SMYD3: variants seen among roughly 807,000 people sequenced by gnomAD.
The protein encoded by SMYD3 is histone-lysine N-methyltransferase SMYD3.
SMYD3 carries 36 observed loss-of-function variants against 57.7 expected under a neutral mutation model. The observed-to-expected ratio is 0.62, with a 90% CI of 0.48 to 0.82. The LOEUF is 0.82. Ranked by LOEUF, SMYD3 falls within the 40% of genes least tolerant of loss-of-function variation. The probability of loss-of-function intolerance (pLI) is 0.00; values close to 1 mark genes in which losing one functional copy is unlikely to be tolerated. For synonymous variants in SMYD3, 211 were observed against 195.0 expected (o/e 1.08, Z -0.68); for missense variants, 515 against 538.8 (o/e 0.96, Z 0.44).
intron 10 of SMYD3, among the ~76,000 whole-genome samples, chr1:245,829,649 G>GA (rs1252358588): frequency 4.6e-5 from 7 of 151,908 alleles, no homozygotes; most frequent in Admixed American, 6.6e-5. Flanking sequence ...ATATACACTT[G>GA]AAAAAAATTA....
At chr1:246,380,612 G>A (rs1016950888) in intron 1 of SMYD3, among the ~76,000 whole-genome samples, 15 of 152,086 alleles carry the variant, frequency 9.9e-5, no homozygotes. Flanking sequence ...TTTGTACCAT[G>A]GCTCTGGTAG....
chr1:246,090,664 T>C (rs1202193473), intron 5 of SMYD3, among the ~76,000 whole-genome samples: 1 of 151,952 alleles, frequency 6.6e-6, no homozygotes, highest in African/African-American at 2.4e-5. Flanking sequence ...ATCATGGGCG[T>C]GCCCCACCAC....
intron 11 of SMYD3, 123 bp downstream of exon 11, chr1:245,763,918 C>T: frequency 1.5e-6 from 1 of 664,070 alleles, no homozygotes; most frequent in Non-Finnish European, 2.6e-6. Context: ...TACCAGCACA[C>T]ACTGGGCATG....
chr1:246,444,203 T>C (rs919919697), intron 1 of SMYD3, among the ~76,000 whole-genome samples: 2 of 151,108 alleles, frequency 1.3e-5, no homozygotes, highest in Non-Finnish European at 2.9e-5. Context: ...CTCCGCTCAC[T>C]GAAACCTCCG....
intron 5 of SMYD3, among the ~76,000 whole-genome samples, chr1:246,114,374 T>G (rs2061307380): frequency 6.6e-6 from 1 of 152,148 alleles, no homozygotes; most frequent in Admixed American, 6.5e-5. Context: ...CAAGGTAAGT[T>G]AGCACCAACA....
intron 11 of SMYD3, among the ~76,000 whole-genome samples, chr1:245,760,329 T>C (rs1210682557): frequency 6.6e-6 from 1 of 152,096 alleles, no homozygotes; most frequent in Admixed American, 6.5e-5. Context: ...ATGACATCAG[T>C]TTCAAAAGGC....
intron 5 of SMYD3, among the ~76,000 whole-genome samples, chr1:246,136,473 A>G (rs1482257561): frequency 6.6e-6 from 1 of 152,192 alleles, no homozygotes; most frequent in African/African-American, 2.4e-5. Flanking sequence ...CTTAAAGAAA[A>G]AAAGTACAAC....
chr1:246,149,344 C>T (rs940335340), intron 5 of SMYD3, among the ~76,000 whole-genome samples: 2 of 152,176 alleles, frequency 1.3e-5, no homozygotes, highest in Non-Finnish European at 2.9e-5. Flanking sequence ...CATCACTGGG[C>T]CTCTACTCCA....
At chr1:246,023,094 C>A (rs1457672395) in intron 5 of SMYD3, among the ~76,000 whole-genome samples, 1 of 152,180 alleles carries the variant, frequency 6.6e-6, no homozygotes, top group African/African-American at 2.4e-5. Context: ...CCATTTAGGA[C>A]ACAGGCAGGT....
chr1:246,248,444 A>AT lies in SMYD3; in HGVS notation c.531+78756dup, dbSNP rs1225489456. ...CCCAACAGAGACTTTTTGGAAAGTAATTTGGGCAGGTCGTTTGTTCCCATT... is the reference window on the plus strand; with the variant it reads ...CCCAACAGAGACTTTTTGGAAAGTAATTTTGGGCAGGTCGTTTGTTCCCATT... On this transcript the variant is annotated intron_variant, in intron 5 of 11. Coordinates refer to ENST00000490107, the MANE Select transcript of SMYD3 (RefSeq NM_001167740.2). Among the ~76,000 whole-genome samples the AT allele has an allele frequency of 1.2e-4, 18 of 152,132 alleles. 1 individual carries two copies. Among genetic ancestry groups the AT allele is most frequent in the African/African-American group, 4.3e-4 (18 of 41,518 alleles).
chr1:245,788,280 A>G (rs2047131130), intron 10 of SMYD3, among the ~76,000 whole-genome samples: 2 of 152,222 alleles, frequency 1.3e-5, no homozygotes, highest in Admixed American at 6.5e-5. Context: ...AATGGTGACC[A>G]GATTAGCACA....
At chr1:245,985,691 T>A (rs976463835) in intron 5 of SMYD3, among the ~76,000 whole-genome samples, 2 of 152,200 alleles carry the variant, frequency 1.3e-5, no homozygotes, top group African/African-American at 2.4e-5. Flanking sequence ...CCTTCTCATA[T>A]TTTAAGCTCC....
chr1:246,317,025 TA>T (rs902100605), intron 5 of SMYD3, among the ~76,000 whole-genome samples: 1 of 149,690 alleles, frequency 6.7e-6, no homozygotes, highest in Non-Finnish European at 1.5e-5. Context: ...AATAAAAATT[TA>T]AAAAAAAAGG....
chr1:246,145,856 T>C (rs1038230804), intron 5 of SMYD3, among the ~76,000 whole-genome samples: 12 of 152,228 alleles, frequency 7.9e-5, no homozygotes, highest in African/African-American at 2.9e-4. Flanking sequence ...AGATCGAATC[T>C]GATACAAATG....
intron 1 of SMYD3, among the ~76,000 whole-genome samples, chr1:246,357,216 G>A (rs982336938): frequency 2.0e-5 from 3 of 152,146 alleles, no homozygotes; most frequent in African/African-American, 7.2e-5. Flanking sequence ...GGATGAGACT[G>A]GAAGTCGGCA....
At chr1:245,790,491 T>C (rs1044935424) in intron 10 of SMYD3, among the ~76,000 whole-genome samples, 1 of 152,218 alleles carries the variant, frequency 6.6e-6, no homozygotes, top group East Asian at 1.9e-4. Context: ...GAGGGCAGCA[T>C]CTGCACCTTG....
Position 246,339,762 on chromosome 1 carries a change from G to A in SMYD3, c.229-4288C>T, listed in dbSNP as rs975995611. On this transcript the variant is annotated intron_variant, in intron 2 of 11. Coordinates refer to ENST00000490107, the MANE Select transcript of SMYD3 (RefSeq NM_001167740.2). ...GGTCGTTCAGTAGCACAGCGCTCAC[G>A]AACGGATTCATGTCACTATTGCAAC... 2.0e-5 allele frequency among the ~76,000 whole-genome samples: 3 copies of A among 152,280 alleles called. No individual in the cohort carries two copies. The South Asian group carries it at 6.2e-4, about 32-fold the overall frequency.
chr1:246,076,851 G>A (rs1266240481), intron 5 of SMYD3, among the ~76,000 whole-genome samples: 1 of 152,048 alleles, frequency 6.6e-6, no homozygotes, highest in African/African-American at 2.4e-5. Context: ...AAGAAGACGA[G>A]ATAAATAAGA....
At chr1:246,436,319 A>G (rs1428575720) in intron 1 of SMYD3, among the ~76,000 whole-genome samples, 1 of 152,204 alleles carries the variant, frequency 6.6e-6, no homozygotes, top group African/African-American at 2.4e-5. Flanking sequence ...ACAAATTTCA[A>G]TCTCCAATAA....
Sources: gnomAD v4.1 joint callset for allele counts (sites outside exome capture counted in the v4.1 genomes callset) on GRCh38, gnomAD v4.1.1 for gene constraint, MANE v1.5 for transcripts, NCBI Gene and HGNC (gene_info 2026-07-23, HGNC 2026-07-21) for gene names.